The following CAND1 variants were observed in gnomAD, a reference collection of about 807,000 sequenced individuals.
CAND1 encodes the protein cullin-associated NEDD8-dissociated protein 1.
A neutral mutation model predicts 108.5 loss-of-function variants in CAND1; 7 were observed. The ratio of observed to expected loss-of-function variants is 0.06; its 90% confidence interval spans 0.04 to 0.12. The LOEUF is 0.12. CAND1 is among the 10% of genes least tolerant of loss of function. CAND1 has a pLI of 1.00. For synonymous variants in CAND1, 534 were observed against 512.0 expected (o/e 1.04, Z -0.58); for missense variants, 941 against 1,448.7 (o/e 0.65, Z 5.69).
At chr12:67,287,884 A>G (rs769778310) in intron 2 of CAND1, among the ~76,000 whole-genome samples, 1 of 84,296 alleles carries the variant, frequency 1.2e-5, no homozygotes, top group African/African-American at 4.7e-5. Flanking sequence ...TTTTTAGTCC[A>G]TTGGTTATTT....
In CAND1 at chr12:67,317,473, A is replaced by ATTTTTTTTTTTTTTTTT. The variant is rs61481589; in HGVS notation, c.*4650_*4666dup. On this transcript the variant is annotated 3_prime_UTR_variant, in exon 15 of 15. Transcript: ENST00000545606. ...CTTTTTTCTTTTTTTTTCTTTCTTAATTTTTTTTTTTTTTTTTTTTTTTGA... is the reference window on the plus strand; with the variant it reads ...CTTTTTTCTTTTTTTTTCTTTCTTAATTTTTTTTTTTTTTTTTTTTTTTTTTTTTTTTTTTTTTTTGA... 1.1e-5 allele frequency: 1 copy of ATTTTTTTTTTTTTTTTT among 88,214 alleles called. No homozygotes were observed. The highest frequency in any genetic ancestry group is 2.1e-5 in the Non-Finnish European group (1 of 47,092). 5.5% of individuals were successfully genotyped at this position (88,214 alleles called of 1,614,324 possible).
At chr12:67,285,407 A>G (rs1014747371) in intron 2 of CAND1, among the ~76,000 whole-genome samples, 3 of 152,220 alleles carry the variant, frequency 2.0e-5, no homozygotes, top group African/African-American at 7.2e-5. Context: ...TTTTCCAGAA[A>G]CTAGACAAAT....
Position 67,314,540 on chromosome 12 carries a change from G to T in CAND1, c.*1710G>T, listed in dbSNP as rs2044988857. ...ATATTATGTACTATGCATTTCTGTG[G>T]TATAGATGTTGTGGATATATTTAAG... On this transcript the variant is annotated 3_prime_UTR_variant, in exon 15 of 15. Coordinates refer to ENST00000545606, the MANE Select transcript of CAND1 (RefSeq NM_018448.5). 6.6e-6 allele frequency: 1 copy of T among 152,168 alleles called. No individual in the cohort carries two copies. Among genetic ancestry groups the T allele is most frequent in the African/African-American group, 2.4e-5 (1 of 41,426 alleles). The allele number at this position is 152,168 out of a possible 1,614,324, so 9.4% of individuals were successfully genotyped here. A position where few individuals can be genotyped will look rare whatever the true frequency, so the allele number is the denominator to read the frequency against.
chr12:67,302,941 G>C (rs2028213), intron 8 of CAND1, among the ~76,000 whole-genome samples: 73,508 of 151,998 alleles, frequency 0.48, 19,294 homozygotes, highest in Non-Finnish European at 0.59. Flanking sequence ...ATTTAGGTGT[G>C]TGATCTTGGG....
chr12:67,311,613 T>G, intron 13 of CAND1, 80 bp from the exon 14 acceptor site: 2 of 855,240 alleles, frequency 2.3e-6, no homozygotes, highest in South Asian at 2.8e-5. Context: ...TATTTTCCTT[T>G]AAAGGATTTG....
intron 3 of CAND1, chr12:67,293,165 A>G (rs1156414980): frequency 9.9e-6 from 2 of 201,200 alleles, no homozygotes; most frequent in South Asian, 8.2e-5. Flanking sequence ...AGTATTTGCT[A>G]TGTAAAATGT....
chr12:67,291,694 C>A (rs1315121475), intron 2 of CAND1, among the ~76,000 whole-genome samples: 1 of 152,080 alleles, frequency 6.6e-6, no homozygotes, highest in Non-Finnish European at 1.5e-5. Flanking sequence ...AATAATAATT[C>A]TCTGCACGAA....
intron 13 of CAND1, 89 bp downstream of exon 13, chr12:67,310,405 G>A (rs1177734496): frequency 1.1e-6 from 1 of 930,398 alleles, no homozygotes. Flanking sequence ...ATGTGTCTGA[G>A]AAAAATCAGG....
In CAND1 at chr12:67,310,217, G is replaced by A. The variant is rs2044934618; in HGVS notation, c.3261G>A (p.Glu1087=). 6.2e-7 allele frequency: 1 copy of A among 1,612,712 alleles called. No individual in the cohort carries two copies. The highest frequency in any genetic ancestry group is 8.5e-7 in the Non-Finnish European group (1 of 1,178,944). The change falls in exon 13 of 15, where the codon GAG becomes GAA. Residue 1087 remains glutamate, a synonymous_variant. Coordinates refer to ENST00000545606, the MANE Select transcript of CAND1 (RefSeq NM_018448.5). ...TGGATATTAGAAAGGCAGCATTTGA[G>A]TGTATGTACACACTTCTAGACAGTT... The part of the protein sequence containing the change: ...DGLDIRKAAF[E]CMYTLLDSCL...
At position 67,302,309 on chromosome 12, in the gene CAND1, A is replaced by T; in HGVS notation, c.1001-14A>T. ...TGTCATTAATAGCCTGTTTACATTA[A>T]AACTTACCCTTAGGGAGTGATGATG... On this transcript the variant is annotated splice_polypyrimidine_tract_variant and intron_variant, in intron 7 of 14. Transcript: ENST00000545606. The T allele has an allele frequency of 6.2e-7, 1 of 1,603,112 alleles. No individual in the cohort carries two copies. Among genetic ancestry groups the T allele is most frequent in the East Asian group, 2.2e-5 (1 of 44,704 alleles).
intron 1 of CAND1, 37 bp from the exon 2 acceptor site, chr12:67,281,872 TA>T: frequency 6.9e-7 from 1 of 1,454,700 alleles, no homozygotes; most frequent in South Asian, 1.3e-5. Context: ...ATTAATGCTT[TA>T]AAATTTTCAA....
intron 11 of CAND1, among the ~76,000 whole-genome samples, chr12:67,308,729 C>T (rs956362310): frequency 5.9e-5 from 9 of 151,958 alleles, no homozygotes; most frequent in Non-Finnish European, 1.2e-4. Context: ...AATTACTCTT[C>T]TAATCTACCA....
chr12:67,285,969 A>C (rs2044666774), intron 2 of CAND1, among the ~76,000 whole-genome samples: 1 of 152,122 alleles, frequency 6.6e-6, no homozygotes, highest in South Asian at 2.1e-4. Flanking sequence ...TTTCGTGTAC[A>C]AGTCCCTTTT....
In CAND1 at chr12:67,319,077, C is replaced by G. The variant is rs944571316; in HGVS notation, c.*6247C>G. 1 of 152,188 alleles carries G rather than the reference C, an allele frequency of 6.6e-6. No individual in the cohort carries two copies. Among genetic ancestry groups the G allele is most frequent in the African/African-American group, 2.4e-5 (1 of 41,446 alleles). The allele number at this position is 152,188 out of a possible 1,614,324, so 9.4% of individuals were successfully genotyped here. ...TCTATGACGTTCCCAGGTTCTAATG[C>G]TGTTCCCCAAGGCCACACCTTGGAA... On this transcript the variant is annotated 3_prime_UTR_variant, in exon 15 of 15. Coordinates refer to ENST00000545606, the MANE Select transcript of CAND1 (RefSeq NM_018448.5).
intron 9 of CAND1, 147 bp from the exon 10 acceptor site, chr12:67,304,957 T>C: frequency 3.5e-6 from 3 of 864,494 alleles, no homozygotes; most frequent in Non-Finnish European, 5.2e-6. Context: ...TATTTGGCTG[T>C]AATATTTATT....
rs2045022337 is a variant in CAND1, at chr12:67,317,685, GT to G, written c.*4857del. ...TTTAGTAGAGATGGAGTTTTGCCAT[GT>G]TGGCCAGGCTGGTTTCAAACTCCTG... On this transcript the variant is annotated 3_prime_UTR_variant, in exon 15 of 15. Transcript: ENST00000545606. 1 of 152,008 alleles carries G rather than the reference GT, an allele frequency of 6.6e-6. No individual in the cohort carries two copies. Among genetic ancestry groups the G allele is most frequent in the African/African-American group, 2.4e-5 (1 of 41,348 alleles). 9.4% of individuals were successfully genotyped at this position (152,008 alleles called of 1,614,324 possible).
rs1463408153 is a variant in CAND1, at chr12:67,318,027, C to T, written c.*5197C>T. Reference sequence around the variant, plus strand: ...GGCAGAATATGATAAAGAACAAGGACTCTGGGAGGCCAAGGCAGGTGGATT... The same window carrying T: ...GGCAGAATATGATAAAGAACAAGGATTCTGGGAGGCCAAGGCAGGTGGATT... On this transcript the variant is annotated 3_prime_UTR_variant, in exon 15 of 15. Transcript: ENST00000545606. 6.6e-6 allele frequency: 1 copy of T among 152,272 alleles called. No homozygotes were observed. Among genetic ancestry groups the T allele is most frequent in the Non-Finnish European group, 1.5e-5 (1 of 68,088 alleles). The allele number at this position is 152,272 out of a possible 1,614,324, so 9.4% of individuals were successfully genotyped here. A position where few individuals can be genotyped will look rare whatever the true frequency, so the allele number is the denominator to read the frequency against.
chr12:67,274,637 T>C (rs906561574), intron 1 of CAND1, among the ~76,000 whole-genome samples: 8 of 152,210 alleles, frequency 5.3e-5, no homozygotes, highest in African/African-American at 1.7e-4. Flanking sequence ...CAGAAAACCA[T>C]TGTAAAATCA....
chr12:67,275,472 G>A (rs1377541467), intron 1 of CAND1, among the ~76,000 whole-genome samples: 3 of 151,952 alleles, frequency 2.0e-5, no homozygotes, highest in Admixed American at 2.0e-4. Flanking sequence ...GGTTGCGTGA[G>A]CAGAGATTGC....
Sources: allele counts gnomAD v4.1 joint callset (sites outside exome capture counted in the v4.1 genomes callset), GRCh38; gene constraint gnomAD v4.1.1; transcripts MANE v1.5; gene names NCBI Gene and HGNC (gene_info 2026-07-23, HGNC 2026-07-21).